ZFHX3: variants seen among roughly 807,000 people sequenced by gnomAD.
ZFHX3 encodes the protein zinc finger homeobox protein 3.
A neutral mutation model predicts 279.1 loss-of-function variants in ZFHX3; 42 were observed. That is an observed-to-expected ratio of 0.15 (90% CI 0.12 to 0.19). ZFHX3 has a LOEUF of 0.19. Ranked by LOEUF, ZFHX3 falls within the 10% of genes least tolerant of loss-of-function variation. ZFHX3 has a pLI of 1.00. For missense variants in ZFHX3, 4,981 were observed against 4,754.0 expected, an observed-to-expected ratio of 1.05 and a Z score of -1.40; for synonymous variants, 2,293 against 1,957.8, an observed-to-expected ratio of 1.17 and a Z score of -4.52.
chr16:72,827,184 T>C (rs967620736), intron 5 of ZFHX3, among the ~76,000 whole-genome samples: 1 of 152,184 alleles, frequency 6.6e-6, no homozygotes, highest in Non-Finnish European at 1.5e-5. Context: ...TGCTTCTCCC[T>C]CAGCTCAAAA....
intron 1 of ZFHX3, among the ~76,000 whole-genome samples, chr16:73,807,382 A>G (rs1048626070): frequency 2.6e-5 from 4 of 151,994 alleles, no homozygotes; most frequent in Admixed American, 1.3e-4. Flanking sequence ...CTGATAGCCA[A>G]ATTTAGGAAA....
chr16:72,981,054 T>C (rs1175579145), intron 1 of ZFHX3, among the ~76,000 whole-genome samples: 2 of 152,196 alleles, frequency 1.3e-5, no homozygotes, highest in Non-Finnish European at 2.9e-5. Context: ...AATACGTTCA[T>C]GGCAAGCCAA....
chr16:72,824,499 T>C (rs764218812), intron 5 of ZFHX3, among the ~76,000 whole-genome samples: 7 of 152,226 alleles, frequency 4.6e-5, no homozygotes, highest in African/African-American at 1.2e-4. Flanking sequence ...TCAGGGATTT[T>C]TGAAGCATTA....
chr16:73,214,031 A>T lies in ZFHX3; in HGVS notation c.-1104+43016T>A, dbSNP rs114312036. ...ATGTTTGATACACCTCATTAAACAT[A>T]TGATTCAATCGGTATTTATTTAACA... On this transcript the variant is annotated intron_variant, in intron 5 of 17. Coordinates refer to the ZFHX3 transcript ENST00000641206. 4.3e-3 allele frequency among the ~76,000 whole-genome samples: 656 copies of T among 152,334 alleles called. 1 individual carries two copies. The highest frequency in any genetic ancestry group is 0.015 in the African/African-American group (633 of 41,584).
chr16:73,717,149 C>A (rs1357552007), intron 1 of ZFHX3, among the ~76,000 whole-genome samples: 1 of 152,188 alleles, frequency 6.6e-6, no homozygotes, highest in Non-Finnish European at 1.5e-5. Context: ...CGCAGTTATA[C>A]CTGGGCTCTA....
chr16:73,805,952 C>A (rs1171397624), intron 1 of ZFHX3, among the ~76,000 whole-genome samples: 1 of 152,092 alleles, frequency 6.6e-6, no homozygotes, highest in Non-Finnish European at 1.5e-5. Context: ...AAGACAACTG[C>A]GACTGGGTAA....
chr16:73,668,960 A>AAATT (rs1217707735), intron 2 of ZFHX3, among the ~76,000 whole-genome samples: 1 of 152,110 alleles, frequency 6.6e-6, no homozygotes, highest in African/African-American at 2.4e-5. Flanking sequence ...GGTGGAGTAT[A>AAATT]AATTAGTTCA....
chr16:73,225,707 T>C (rs1219815282), intron 5 of ZFHX3, among the ~76,000 whole-genome samples: 1 of 152,186 alleles, frequency 6.6e-6, no homozygotes, highest in African/African-American at 2.4e-5. Flanking sequence ...TCCTTTGATG[T>C]GATGTCATGA....
chr16:73,281,950 A>C (rs2014468465), intron 4 of ZFHX3, among the ~76,000 whole-genome samples: 1 of 152,208 alleles, frequency 6.6e-6, no homozygotes, highest in Admixed American at 6.5e-5. Flanking sequence ...GGACAACCAA[A>C]TGAGAATTCA....
intron 1 of ZFHX3, among the ~76,000 whole-genome samples, chr16:73,850,956 G>A (rs1203710057): frequency 6.6e-6 from 1 of 152,102 alleles, no homozygotes; most frequent in African/African-American, 2.4e-5. Flanking sequence ...GGTGATCTCT[G>A]GGGCAAAACA....
intron 3 of ZFHX3, among the ~76,000 whole-genome samples, chr16:72,933,813 C>CTTTTTTTTTTTTTTTTTTTTTT (rs71391468): frequency 2.7e-5 from 3 of 112,458 alleles, no homozygotes; most frequent in Non-Finnish European, 5.9e-5. Flanking sequence ...TCACAACTTT[C>CTTTTTTTTTTTTTTTTTTTTTT]TTTTTTTTTT....
rs1961233006 is a variant in ZFHX3 at position 73,839,326 on chromosome 16, C to CAAAAAAGAAAA, written c.-1608+52324_-1608+52325insTTTTCTTTTTT. 6.7e-4 allele frequency among the ~76,000 whole-genome samples: 20 copies of CAAAAAAGAAAA among 30,050 alleles called. 2 individuals carry two copies. Among genetic ancestry groups the CAAAAAAGAAAA allele is most frequent in the African/African-American group, 2.4e-3 (20 of 8,206 alleles). The allele number at this position is 30,050 out of a possible 152,430, so 19.7% of individuals were successfully genotyped here. ...GCAGCAACAGAGCAAGACTCCATCT[C>CAAAAAAGAAAA]AAAAAAAAAAAAAAAAAAAAAAAAA... On this transcript the variant is annotated intron_variant, in intron 1 of 17. Transcript: ENST00000641206.
rs2035320308 is a variant in ZFHX3 at position 72,785,379 on chromosome 16, A to G, written c.*1785T>C. ...GCGCTCTGGATCACTCGCTGCTCAG[A>G]CTGCCTAACACAAGGACAAAACTTT... On this transcript the variant is annotated 3_prime_UTR_variant, in exon 10 of 10. Transcript: ENST00000268489. 6.6e-6 allele frequency: 1 copy of G among 152,662 alleles called. No homozygotes were observed. The highest frequency in any genetic ancestry group is 1.5e-5 in the Non-Finnish European group (1 of 68,044). 9.5% of individuals were successfully genotyped at this position (152,662 alleles called of 1,614,324 possible).
At chr16:73,634,908 A>C (rs1288706033) in intron 2 of ZFHX3, among the ~76,000 whole-genome samples, 1 of 152,124 alleles carries the variant, frequency 6.6e-6, no homozygotes, top group East Asian at 1.9e-4. Context: ...GTGTGTATTT[A>C]TGAGCTTCTA....
intron 2 of ZFHX3, among the ~76,000 whole-genome samples, chr16:73,556,197 G>A (rs2143779208): frequency 6.6e-6 from 1 of 152,292 alleles, no homozygotes; most frequent in African/African-American, 2.4e-5. Flanking sequence ...ATAAGCTGTT[G>A]TTGGCTTTCA....
At chr16:73,264,595 A>C (rs1042418819) in intron 4 of ZFHX3, among the ~76,000 whole-genome samples, 1 of 148,686 alleles carries the variant, frequency 6.7e-6, no homozygotes, top group African/African-American at 2.5e-5. Context: ...TTAGTTTTTT[A>C]TTTCTATATA....
At chr16:73,204,136 T>A (rs1180492045) in intron 5 of ZFHX3, among the ~76,000 whole-genome samples, 1 of 152,054 alleles carries the variant, frequency 6.6e-6, no homozygotes, top group Non-Finnish European at 1.5e-5. Flanking sequence ...GGTCCCCAAC[T>A]TTTTTGGCAT....
intron 3 of ZFHX3, among the ~76,000 whole-genome samples, chr16:73,407,061 C>T (rs2017374440): frequency 6.6e-6 from 1 of 152,054 alleles, no homozygotes; most frequent in African/African-American, 2.4e-5. Flanking sequence ...TCCTGCAGGG[C>T]GTATTTGGCA....
At chr16:73,428,221 A>C (rs1390588622) in intron 3 of ZFHX3, among the ~76,000 whole-genome samples, 1 of 152,116 alleles carries the variant, frequency 6.6e-6, no homozygotes, top group African/African-American at 2.4e-5. Flanking sequence ...CCCCTTCCCC[A>C]GTGACCCCAG....
Sources: gnomAD v4.1 joint callset for allele counts (sites outside exome capture counted in the v4.1 genomes callset) on GRCh38, gnomAD v4.1.1 for gene constraint, MANE v1.5 for transcripts, NCBI Gene and HGNC (gene_info 2026-07-23, HGNC 2026-07-21) for gene names.